The following TIAM1 variants were observed in gnomAD, a reference collection of about 807,000 sequenced individuals.
The protein encoded by TIAM1 is TIAM Rac1 associated GEF 1, also known as rho guanine nucleotide exchange factor TIAM1.
Under a neutral mutation model 163.5 loss-of-function variants are expected in TIAM1, and 65 were observed. The ratio of observed to expected loss-of-function variants is 0.40; its 90% CI spans 0.33 to 0.49. The LOEUF (loss-of-function observed/expected upper bound fraction) is 0.49, where lower values mean the gene tolerates loss of function less well. Among genes scored for constraint, TIAM1 ranks in the 20% least tolerant of loss-of-function variants. The pLI is 0.77. For synonymous variants in TIAM1, 833 were observed against 810.1 expected, an observed-to-expected ratio of 1.03 and a Z score of -0.48; for missense variants, 1,789 against 2,044.7, an observed-to-expected ratio of 0.87 and a Z score of 2.41.
At chr21:31,219,731 TA>T (rs1433125715) in intron 8 of TIAM1, among the ~76,000 whole-genome samples, 3 of 146,686 alleles carry the variant, frequency 2.0e-5, no homozygotes, top group African/African-American at 8.2e-5. Context: ...CTTAGCACGT[TA>T]AAAAAACAAA....
At chr21:31,346,288 G>A (rs1219387156), upstream of TIAM1, among the ~76,000 whole-genome samples, 3 of 152,116 alleles carry the variant, frequency 2.0e-5, no homozygotes, top group East Asian at 3.9e-4. Flanking sequence ...TCATCAATTT[G>A]AAGAGACTCT....
At chr21:31,489,567 G>T (rs2046395768) in intron 1 of TIAM1, among the ~76,000 whole-genome samples, 1 of 44,664 alleles carries the variant, frequency 2.2e-5, no homozygotes, top group South Asian at 8.2e-4. Context: ...AGGGAAAAGT[G>T]CAGACCCCCC....
intron 2 of TIAM1, among the ~76,000 whole-genome samples, chr21:31,320,927 G>C (rs920928171): frequency 1.1e-4 from 17 of 152,094 alleles, no homozygotes; most frequent in African/African-American, 3.9e-4. Context: ...GGGAGGTGGA[G>C]GCTGCAGTGA....
rs1483149216 is a variant in TIAM1, at chr21:31,454,585, G to A, written c.-369+9398C>T. ...AGGGGCCATGTGGAACAGCAGCCCA[G>A]CACGCGTGTCCAAGCCAAGCATGAC... is the stretch of plus-strand genomic sequence containing the variant. On this transcript the variant is annotated intron_variant, in intron 2 of 28. Coordinates refer to the TIAM1 transcript ENST00000286827. Among the ~76,000 whole-genome samples, 3 of 152,290 alleles carry A rather than the reference G, an allele frequency of 2.0e-5. No individual in the cohort carries two copies. In the East Asian group the frequency reaches 5.8e-4, roughly 29 times the overall value.
intron 13 of TIAM1, among the ~76,000 whole-genome samples, chr21:31,194,311 T>C (rs2146491774): frequency 6.6e-6 from 1 of 152,322 alleles, no homozygotes; most frequent in Non-Finnish European, 1.5e-5. Context: ...CTGAGCTCTG[T>C]GGGTCTTCCT....
chr21:31,192,537 G>A (rs1568999881), intron 13 of TIAM1, among the ~76,000 whole-genome samples: 1 of 152,084 alleles, frequency 6.6e-6, no homozygotes, highest in Non-Finnish European at 1.5e-5. Flanking sequence ...CTTGAACCTG[G>A]GAGGCAGAGG....
At chr21:31,305,968 T>C (rs2074695436) in intron 2 of TIAM1, among the ~76,000 whole-genome samples, 1 of 152,124 alleles carries the variant, frequency 6.6e-6, no homozygotes, top group Non-Finnish European at 1.5e-5. Context: ...GAACCGCCAG[T>C]GTCCTCACAA....
intron 2 of TIAM1, among the ~76,000 whole-genome samples, chr21:31,336,867 A>G (rs969319107): frequency 6.6e-6 from 1 of 152,156 alleles, no homozygotes; most frequent in Non-Finnish European, 1.5e-5. Flanking sequence ...ACCAACAAGG[A>G]CAGGTGCCCT....
chr21:31,558,083 G>A (rs754464550), intron 1 of TIAM1, among the ~76,000 whole-genome samples: 4 of 152,184 alleles, frequency 2.6e-5, no homozygotes, highest in Non-Finnish European at 5.9e-5. Context: ...AGCCGCCGGG[G>A]CTGGGGGGCG....
chr21:31,394,700 T>TCG (rs2077024784), intron 2 of TIAM1, among the ~76,000 whole-genome samples: 1 of 92,474 alleles, frequency 1.1e-5, no homozygotes, highest in African/African-American at 4.8e-5. Flanking sequence ...TCTCTCTCTC[T>TCG]CTCTCTCGCT....
intron 2 of TIAM1, among the ~76,000 whole-genome samples, chr21:31,287,181 G>A (rs958342580): frequency 8.5e-5 from 13 of 152,110 alleles, no homozygotes; most frequent in Non-Finnish European, 4.4e-5. Context: ...CAAAATAGTG[G>A]TGCATTTTAC....
At chr21:31,431,454 G>A (rs985895577) in intron 2 of TIAM1, among the ~76,000 whole-genome samples, 1 of 152,168 alleles carries the variant, frequency 6.6e-6, no homozygotes, top group African/African-American at 2.4e-5. Flanking sequence ...AACCACAGTG[G>A]GAGAACCACT....
intron 2 of TIAM1, among the ~76,000 whole-genome samples, chr21:31,370,449 G>C (rs1362209725): frequency 6.6e-6 from 1 of 152,110 alleles, no homozygotes; most frequent in Admixed American, 6.6e-5. Flanking sequence ...TTCATATACA[G>C]ACAACCCAGT....
chr21:31,139,446 A>T (rs1192511956), intron 22 of TIAM1, among the ~76,000 whole-genome samples: 11 of 152,316 alleles, frequency 7.2e-5, no homozygotes, highest in Admixed American at 3.3e-4. Flanking sequence ...TCTGTGATCA[A>T]CATAAAATCA....
intron 2 of TIAM1, among the ~76,000 whole-genome samples, chr21:31,453,417 G>A (rs1048422349): frequency 1.3e-5 from 2 of 152,134 alleles, no homozygotes; most frequent in African/African-American, 4.8e-5. Flanking sequence ...TAAGAAACCA[G>A]GGGGCAGGGC....
chr21:31,530,773 T>C (rs987002434), intron 1 of TIAM1, among the ~76,000 whole-genome samples: 8 of 152,088 alleles, frequency 5.3e-5, no homozygotes, highest in Admixed American at 6.6e-5. Context: ...GAAATGTAAG[T>C]GGGCAGGCAA....
At chr21:31,376,082 G>T (rs112339140) in intron 2 of TIAM1, among the ~76,000 whole-genome samples, 65 of 152,100 alleles carry the variant, frequency 4.3e-4, no homozygotes, top group African/African-American at 1.3e-3. Flanking sequence ...GTGTCAAATT[G>T]CTATGTATAT....
intron 1 of TIAM1, among the ~76,000 whole-genome samples, chr21:31,504,619 A>T (rs1388080628): frequency 6.6e-6 from 1 of 152,174 alleles, no homozygotes; most frequent in Non-Finnish European, 1.5e-5. Context: ...ACCCAGTGGA[A>T]CCAAGGGTAG....
intron 1 of TIAM1, among the ~76,000 whole-genome samples, chr21:31,475,025 TTTATTA>T (rs550390061): frequency 5.7e-4 from 68 of 118,688 alleles, no homozygotes; most frequent in African/African-American, 1.4e-3. Flanking sequence ...GAGCTAGTTT[TTTATTA>T]TTATTATTAT....
Sources: allele counts gnomAD v4.1 joint callset (sites outside exome capture counted in the v4.1 genomes callset), GRCh38; gene constraint gnomAD v4.1.1; transcripts MANE v1.5; gene names NCBI Gene and HGNC (gene_info 2026-07-23, HGNC 2026-07-21).